TOX: variants seen among roughly 807,000 people sequenced by gnomAD.
TOX encodes thymocyte selection associated high mobility group box.
Under a neutral mutation model 53.7 loss-of-function variants are expected in TOX, and 11 were observed. The observed-to-expected ratio is 0.20, with a 90% CI of 0.13 to 0.34. The LOEUF (loss-of-function observed/expected upper bound fraction) is 0.34. Among genes scored for constraint, TOX ranks in the 10% least tolerant of loss-of-function variants. TOX has a pLI of 1.00. For synonymous variants in TOX, 225 were observed against 245.3 expected, an observed-to-expected ratio of 0.92 and a Z score of 0.77; for missense variants, 570 against 664.6, an observed-to-expected ratio of 0.86 and a Z score of 1.56.
At chr8:59,074,946 C>T (rs544263671) in intron 1 of TOX, among the ~76,000 whole-genome samples, 2 of 152,250 alleles carry the variant, frequency 1.3e-5, no homozygotes, top group East Asian at 1.9e-4. Flanking sequence ...AGACTACCTG[C>T]TAGTCTGTTC....
rs62505117 is a variant in TOX at position 58,833,074 on chromosome 8, G to C, written c.924+5007C>G. Among the ~76,000 whole-genome samples, 127 of 152,244 alleles carry C rather than the reference G, an allele frequency of 8.3e-4. 1 individual carries two copies. Among genetic ancestry groups the C allele is most frequent in the Non-Finnish European group, 1.6e-3 (106 of 68,012 alleles). ...GGTACCGTGGGCTGTGGTTTCTCCT[G>C]AATACACTAAACTCTGAATAGGCTT... On this transcript the variant is annotated intron_variant, in intron 5 of 8. Transcript: ENST00000361421.
intron 2 of TOX, among the ~76,000 whole-genome samples, chr8:58,958,528 C>T (rs1812748291): frequency 6.6e-6 from 1 of 152,168 alleles, no homozygotes; most frequent in African/African-American, 2.4e-5. Flanking sequence ...CTTGTCAGTA[C>T]AGTTTTGGGA....
At chr8:59,087,189 T>A (rs1468252560) in intron 1 of TOX, among the ~76,000 whole-genome samples, 1 of 152,212 alleles carries the variant, frequency 6.6e-6, no homozygotes, top group African/African-American at 2.4e-5. Flanking sequence ...GCATCAACAG[T>A]CGAGCACATA....
intron 5 of TOX, among the ~76,000 whole-genome samples, chr8:58,828,265 A>C (rs1363803964): frequency 6.6e-6 from 1 of 152,228 alleles, no homozygotes; most frequent in Non-Finnish European, 1.5e-5. Flanking sequence ...TAAACAAATG[A>C]CTAACCTTGT....
At chr8:59,069,034 G>A (rs1431860500) in intron 1 of TOX, among the ~76,000 whole-genome samples, 1 of 152,162 alleles carries the variant, frequency 6.6e-6, no homozygotes, top group African/African-American at 2.4e-5. Context: ...AGGTTCAAGG[G>A]CATAGTGCAT....
rs1394128145 is a variant in TOX at position 58,851,180 on chromosome 8, C to CTT, written c.693+343_693+344insAA. ...TCTGTCTCTCTCTCTCTCTCTCTCT[C>CTT]TCTCTCACACACACACACACACACA... On this transcript the variant is annotated intron_variant, in intron 4 of 8. Transcript: ENST00000361421. This position sits in a 1 kb window ranked among gnomAD's most constrained non-coding sequence, Gnocchi z 4.4. Among the ~76,000 whole-genome samples the CTT allele has an allele frequency of 2.8e-5, 4 of 144,132 alleles. No homozygotes were observed. Among genetic ancestry groups the CTT allele is most frequent in the African/African-American group, 8.2e-5 (3 of 36,460 alleles). The allele number at this position is 144,132 out of a possible 152,430, so 94.6% of individuals were successfully genotyped here.
At chr8:58,924,271 G>A (rs560816188) in intron 3 of TOX, among the ~76,000 whole-genome samples, 3 of 152,164 alleles carry the variant, frequency 2.0e-5, no homozygotes, top group East Asian at 3.8e-4. Flanking sequence ...TGCAGAAGAC[G>A]TAAGAAGGAG....
intron 3 of TOX, among the ~76,000 whole-genome samples, chr8:58,866,798 A>G (rs770066619): frequency 3.3e-5 from 5 of 152,232 alleles, no homozygotes; most frequent in Admixed American, 6.5e-5. Context: ...ATTTCTTACA[A>G]GTTATGAGAA....
chr8:58,831,202 T>A (rs1810447856), intron 5 of TOX, among the ~76,000 whole-genome samples: 1 of 152,138 alleles, frequency 6.6e-6, no homozygotes, highest in Non-Finnish European at 1.5e-5. Flanking sequence ...ATGGTAAGAA[T>A]CCGAACCGAG....
intron 2 of TOX, among the ~76,000 whole-genome samples, chr8:58,946,372 T>C (rs1812522236): frequency 2.0e-5 from 3 of 152,216 alleles, no homozygotes; most frequent in South Asian, 4.1e-4. Context: ...ATATAATCTC[T>C]GATTTCTTTT....
chr8:58,996,246 C>T (rs529515762), intron 1 of TOX, among the ~76,000 whole-genome samples: 2 of 152,242 alleles, frequency 1.3e-5, no homozygotes, highest in East Asian at 3.9e-4. Flanking sequence ...CAATGTTTTC[C>T]CCACACTAGG....
chr8:59,109,911 C>A (rs1167450441), intron 1 of TOX, among the ~76,000 whole-genome samples: 2 of 152,148 alleles, frequency 1.3e-5, no homozygotes, highest in Non-Finnish European at 2.9e-5. Flanking sequence ...AGCATACATG[C>A]AAACTTTCTC....
chr8:59,078,943 A>G (rs1031477062), intron 1 of TOX, among the ~76,000 whole-genome samples: 6 of 152,236 alleles, frequency 3.9e-5, no homozygotes, highest in Non-Finnish European at 7.3e-5. Flanking sequence ...CAAAGGTCCC[A>G]TGTGGTATGC....
intron 3 of TOX, among the ~76,000 whole-genome samples, chr8:58,864,168 CCAATGA>C (rs956738558): frequency 6.6e-6 from 1 of 152,158 alleles, no homozygotes; most frequent in South Asian, 2.1e-4. Context: ...GGCCTTTCAT[CCAATGA>C]TAAGGATGAG....
At chr8:58,882,447 C>A (rs528343987) in intron 3 of TOX, among the ~76,000 whole-genome samples, 3 of 152,270 alleles carry the variant, frequency 2.0e-5, no homozygotes, top group Non-Finnish European at 4.4e-5. Flanking sequence ...TCTTTCTTAG[C>A]TGTTTCTGCA....
intron 1 of TOX, among the ~76,000 whole-genome samples, chr8:59,093,095 G>A (rs1375947523): frequency 6.6e-6 from 1 of 152,190 alleles, no homozygotes; most frequent in East Asian, 1.9e-4. Flanking sequence ...AGATGTATGA[G>A]CACTTTCTTC....
At chr8:58,833,347 T>C (rs922519649) in intron 5 of TOX, among the ~76,000 whole-genome samples, 1 of 152,232 alleles carries the variant, frequency 6.6e-6, no homozygotes, top group South Asian at 2.1e-4. Context: ...GAACACTTTA[T>C]AGCTCTTTGG....
chr8:59,107,960 C>G (rs1438025140), intron 1 of TOX, among the ~76,000 whole-genome samples: 2 of 152,140 alleles, frequency 1.3e-5, no homozygotes, highest in East Asian at 3.9e-4. Context: ...TCCCCGCCCC[C>G]AAAACATTGC....
At chr8:59,081,094 T>C (rs575425063) in intron 1 of TOX, among the ~76,000 whole-genome samples, 10 of 152,276 alleles carry the variant, frequency 6.6e-5, no homozygotes, top group South Asian at 4.1e-4. Flanking sequence ...TGGTGCTATC[T>C]AGGCTTACTG....
Sources: allele counts gnomAD v4.1 joint callset (sites outside exome capture counted in the v4.1 genomes callset), GRCh38; gene constraint gnomAD v4.1.1; non-coding constraint Gnocchi (gnomAD v3.1); transcripts MANE v1.5; gene names NCBI Gene and HGNC (gene_info 2026-07-23, HGNC 2026-07-21).